The following MAF variants were observed in gnomAD, a reference collection of about 807,000 sequenced individuals.
MAF encodes MAF bZIP transcription factor, also known as transcription factor Maf.
A neutral mutation model predicts 22.0 loss-of-function variants in MAF; 10 were observed. The observed-to-expected ratio is 0.45, with a 90% CI of 0.28 to 0.77. MAF has a LOEUF of 0.77. Among genes scored for constraint, MAF ranks in the 30% least tolerant of loss-of-function variants. The pLI is 0.12. For synonymous variants in MAF, 337 were observed against 255.8 expected (o/e 1.32, Z -3.03); for missense variants, 544 against 548.4 (o/e 0.99, Z 0.08).
At chr16:79,566,648 G>C in the MAF span, among the ~76,000 whole-genome samples, 1 of 152,172 alleles carries the variant, frequency 6.6e-6, no homozygotes, top group Admixed American at 6.5e-5. Flanking sequence ...CAAGAGCAAA[G>C]TGTAATGTCC....
At chr16:79,531,404 G>A in the MAF span, among the ~76,000 whole-genome samples, 1 of 152,050 alleles carries the variant, frequency 6.6e-6, no homozygotes, top group South Asian at 2.1e-4. Flanking sequence ...GTGGGGTGGG[G>A]ATGTTTTCCA....
chr16:79,428,453 C>A, the MAF span, among the ~76,000 whole-genome samples: 1 of 152,172 alleles, frequency 6.6e-6, no homozygotes, highest in Non-Finnish European at 1.5e-5. Context: ...CCCTTGGAGT[C>A]CCAAACTGGC....
chr16:79,306,658 CAGT>C, the MAF span, among the ~76,000 whole-genome samples: 4 of 152,204 alleles, frequency 2.6e-5, no homozygotes, highest in African/African-American at 9.7e-5. Context: ...TCTAAGTGCT[CAGT>C]AGATGTTAAC....
At chr16:79,215,699 G>T in the MAF span, among the ~76,000 whole-genome samples, 1 of 152,112 alleles carries the variant, frequency 6.6e-6, no homozygotes, top group African/African-American at 2.4e-5. Context: ...TATAGACCAA[G>T]GCTTCATACA....
chr16:79,211,521 C>T, the MAF span: 1 of 1,562,810 alleles, frequency 6.4e-7, no homozygotes. Context: ...GTGGGGGAGG[C>T]CTGCTAATGC....
At chr16:79,259,361 T>A in the MAF span, among the ~76,000 whole-genome samples, 1 of 152,156 alleles carries the variant, frequency 6.6e-6, no homozygotes, top group African/African-American at 2.4e-5. Flanking sequence ...GGGTCAGTGT[T>A]TATCAATTCA....
the MAF span, among the ~76,000 whole-genome samples, chr16:79,554,247 G>T: frequency 6.6e-6 from 1 of 152,270 alleles, no homozygotes; most frequent in East Asian, 1.9e-4. Flanking sequence ...CAGCCCAAGA[G>T]GTAGGAAGTA....
the MAF span, among the ~76,000 whole-genome samples, chr16:79,261,342 C>T: frequency 1.9e-5 from 2 of 104,010 alleles, no homozygotes; most frequent in South Asian, 2.6e-4. Context: ...TACTAGAGAC[C>T]GGGTTTCACC....
chr16:79,320,527 G>A, the MAF span, among the ~76,000 whole-genome samples: 1 of 152,120 alleles, frequency 6.6e-6, no homozygotes, highest in Non-Finnish European at 1.5e-5. Flanking sequence ...GGAGGCTCCT[G>A]GTACTCCCCC....
chr16:79,352,251 A>G, the MAF span, among the ~76,000 whole-genome samples: 1 of 152,156 alleles, frequency 6.6e-6, no homozygotes, highest in Non-Finnish European at 1.5e-5. Context: ...TGTCACGGGG[A>G]GACTCTTTTA....
chr16:79,458,798 A>G, the MAF span, among the ~76,000 whole-genome samples: 4 of 152,202 alleles, frequency 2.6e-5, no homozygotes, highest in African/African-American at 9.6e-5. Flanking sequence ...GTCAAAAGGG[A>G]GATGTCACCC....
the MAF span, among the ~76,000 whole-genome samples, chr16:79,256,344 G>A: frequency 6.6e-6 from 1 of 152,012 alleles, no homozygotes; most frequent in Non-Finnish European, 1.5e-5. Context: ...AATCGAGCAG[G>A]TAGATCACTC....
At chr16:79,374,849 C>G in the MAF span, among the ~76,000 whole-genome samples, 1 of 152,106 alleles carries the variant, frequency 6.6e-6, no homozygotes, top group Non-Finnish European at 1.5e-5. Flanking sequence ...CCGTAACAGA[C>G]CAGATAGACA....
intron 1 of MAF, chr16:79,595,419 T>C (rs1913458047): frequency 9.5e-7 from 1 of 1,054,666 alleles, no homozygotes; most frequent in Admixed American, 5.4e-5. Context: ...TTATCTTTTT[T>C]TCTTTTAAGA....
chr16:79,571,530 A>ATTTTTTTTTTTTTTTTTTTTTTTTT, the MAF span, among the ~76,000 whole-genome samples: 9 of 103,882 alleles, frequency 8.7e-5, no homozygotes, highest in African/African-American at 3.3e-4. Flanking sequence ...TCTCAGCGGA[A>ATTTTTTTTTTTTTTTTTTTTTTTTT]TTTTTTTTTT....
chr16:79,465,076 C>G, the MAF span, among the ~76,000 whole-genome samples: 21 of 152,124 alleles, frequency 1.4e-4, no homozygotes, highest in Admixed American at 1.4e-3. Flanking sequence ...GGGAGAAGGT[C>G]CTGAGCAACC....
the MAF span, among the ~76,000 whole-genome samples, chr16:79,279,963 T>A: frequency 3.9e-5 from 6 of 152,268 alleles, no homozygotes; most frequent in African/African-American, 9.6e-5. Flanking sequence ...TTGTGGGCAA[T>A]GGAAGTGTTC....
chr16:79,539,913 G>C, the MAF span, among the ~76,000 whole-genome samples: 1 of 152,140 alleles, frequency 6.6e-6, no homozygotes, highest in South Asian at 2.1e-4. Context: ...GAAATTATGA[G>C]TGATTTTTAG....
the MAF span, among the ~76,000 whole-genome samples, chr16:79,384,294 A>G: frequency 6.6e-6 from 1 of 151,924 alleles, no homozygotes; most frequent in African/African-American, 2.4e-5. Flanking sequence ...AAACATAACA[A>G]ATTAGCTAGG....
Sources: allele counts gnomAD v4.1 joint callset (sites outside exome capture counted in the v4.1 genomes callset), GRCh38; gene constraint gnomAD v4.1.1; transcripts MANE v1.5; gene names NCBI Gene and HGNC (gene_info 2026-07-23, HGNC 2026-07-21).